PDE3B: variants seen among roughly 807,000 people sequenced by gnomAD.
PDE3B encodes the protein phosphodiesterase 3B, also known as cGMP-inhibited 3',5'-cyclic phosphodiesterase 3B.
PDE3B carries 66 observed loss-of-function variants against 116.8 expected under a neutral mutation model. That is an observed-to-expected ratio of 0.56 (90% confidence interval 0.46 to 0.69). The LOEUF is 0.69. PDE3B is among the 30% of genes least tolerant of loss of function. The pLI is 0.00. For synonymous variants in PDE3B, 595 were observed against 533.6 expected, an observed-to-expected ratio of 1.12 and a Z score of -1.59; for missense variants, 1,384 against 1,368.1, an observed-to-expected ratio of 1.01 and a Z score of -0.18.
At chr11:14,890,292 A>C in the PDE3B span, 1 of 206,840 alleles carries the variant, frequency 4.8e-6, no homozygotes, top group Non-Finnish European at 8.5e-6. Context: ...TTATGCTTTC[A>C]CATTTTATTT....
chr11:14,833,350 T>G (rs1194083770), intron 10 of PDE3B, among the ~76,000 whole-genome samples: 1 of 152,232 alleles, frequency 6.6e-6, no homozygotes, highest in Non-Finnish European at 1.5e-5. Flanking sequence ...TTTGTTAACA[T>G]TTTGGTATAT....
intron 7 of PDE3B, among the ~76,000 whole-genome samples, chr11:14,820,737 TCTCTTTCCCACC>T (rs566393889): frequency 1.5e-4 from 23 of 152,012 alleles, no homozygotes; most frequent in Admixed American, 3.9e-4. Context: ...CCCAGAAAAC[TCTCTTTCCCACC>T]CTCTTTCCCA....
At chr11:14,872,598 C>T (rs1848154777), downstream of PDE3B, among the ~76,000 whole-genome samples, 1 of 152,252 alleles carries the variant, frequency 6.6e-6, no homozygotes, top group Admixed American at 6.5e-5. Flanking sequence ...GGAAAACTTT[C>T]AATCTGGAAG....
Position 14,805,629 on chromosome 11 carries a change from C to T in PDE3B, c.1522+1579C>T, listed in dbSNP as rs187279460. 5.1e-3 allele frequency among the ~76,000 whole-genome samples: 780 copies of T among 152,264 alleles called. 7 individuals carry two copies. The highest frequency in any genetic ancestry group is 6.2e-3 in the Non-Finnish European group (422 of 68,000). ...ATCAGATGAGAAGTAGAAAAACGTA[C>T]ATTTTTTTCAAACAAACAAAAGCTG... On this transcript the variant is annotated intron_variant, in intron 5 of 15. Transcript: ENST00000282096.
intron 1 of PDE3B, among the ~76,000 whole-genome samples, chr11:14,669,001 C>T (rs1344878210): frequency 6.6e-6 from 1 of 152,038 alleles, no homozygotes; most frequent in Non-Finnish European, 1.5e-5. Flanking sequence ...AGATGGCACA[C>T]TCAAATGGCT....
rs777486303 is a variant in PDE3B, at chr11:14,723,968, A to C, written c.979-47969A>C. Among the ~76,000 whole-genome samples the C allele has an allele frequency of 3.3e-5, 5 of 152,230 alleles. 1 individual carries two copies. The highest frequency in any genetic ancestry group is 5.9e-5 in the Non-Finnish European group (4 of 68,046). ...TTCTACTTCCTAAGGGAAGCTATCGAAAAGTTTTTAACAGATATTATGTTA... is the reference window on the plus strand; with the variant it reads ...TTCTACTTCCTAAGGGAAGCTATCGCAAAGTTTTTAACAGATATTATGTTA... On this transcript the variant is annotated intron_variant, in intron 1 of 15. Coordinates refer to ENST00000282096, the MANE Select transcript of PDE3B (RefSeq NM_000922.4).
At chr11:14,811,620 G>A (rs1200967865) in intron 5 of PDE3B, among the ~76,000 whole-genome samples, 2 of 152,126 alleles carry the variant, frequency 1.3e-5, no homozygotes, top group East Asian at 1.9e-4. Context: ...GCTTGGCGAT[G>A]TGGGCTCTTT....
intron 1 of PDE3B, among the ~76,000 whole-genome samples, chr11:14,690,241 G>A (rs1855006854): frequency 6.6e-6 from 1 of 152,074 alleles, no homozygotes; most frequent in East Asian, 1.9e-4. Flanking sequence ...CTTCCAAATC[G>A]AATGGTTTAT....
chr11:14,664,381 TC>T (rs1363073058), intron 1 of PDE3B, among the ~76,000 whole-genome samples: 1 of 151,826 alleles, frequency 6.6e-6, no homozygotes, highest in African/African-American at 2.4e-5. Context: ...GCAAACACAT[TC>T]AAAAGCTAGC....
Position 14,784,890 on chromosome 11 carries a change from C to A in PDE3B, c.1030-1547C>A, listed in dbSNP as rs1004320451. On this transcript the variant is annotated intron_variant, in intron 2 of 15. Transcript: ENST00000282096. ...TTTGTGATTTGTTCTTTCCTAATTT[C>A]AACAGTTTTTAAACAGTATTGAGGA... 5.9e-5 allele frequency among the ~76,000 whole-genome samples: 9 copies of A among 152,036 alleles called. No homozygotes were observed. The East Asian group carries it at 1.7e-3, about 29-fold the overall frequency.
chr11:14,725,028 G>A (rs896354268), intron 1 of PDE3B, among the ~76,000 whole-genome samples: 4 of 152,286 alleles, frequency 2.6e-5, no homozygotes, highest in South Asian at 4.1e-4. Context: ...ATAGGTACAG[G>A]TACTAAAAGG....
intron 1 of PDE3B, among the ~76,000 whole-genome samples, chr11:14,730,607 T>G (rs1442035835): frequency 6.6e-6 from 1 of 152,238 alleles, no homozygotes; most frequent in Non-Finnish European, 1.5e-5. Flanking sequence ...TTATTTTAGT[T>G]ATTACTTTAA....
At chr11:14,673,750 G>T (rs1001494391) in intron 1 of PDE3B, 8 of 771,608 alleles carry the variant, frequency 1.0e-5, no homozygotes, top group South Asian at 6.7e-5. Context: ...GCTCCAATTC[G>T]TACAAGTAAT....
rs755332316 is a variant in PDE3B, at chr11:14,711,774, A to G, written c.979-60163A>G. ...TCCAAACTATATCAAAGGGCAATGG[A>G]TCAGTGTCAGCATTCACTGCTGGTA... On this transcript the variant is annotated intron_variant, in intron 1 of 15. Transcript: ENST00000282096. 9.9e-5 allele frequency among the ~76,000 whole-genome samples: 15 copies of G among 152,222 alleles called. 1 individual carries two copies. Among genetic ancestry groups the G allele is most frequent in the Non-Finnish European group, 2.2e-4 (15 of 68,042 alleles).
At chr11:14,786,712 TATTTATCAAATTTAA>T in intron 3 of PDE3B, 27 bp downstream of exon 3, 1 of 1,547,086 alleles carries the variant, frequency 6.5e-7, no homozygotes, top group Non-Finnish European at 8.9e-7. Context: ...CATCTAACCC[TATTTATCAAATTTAA>T]TGATATTTTC....
At chr11:14,836,734 C>T (rs1184522853) in intron 11 of PDE3B, among the ~76,000 whole-genome samples, 2 of 152,212 alleles carry the variant, frequency 1.3e-5, no homozygotes, top group African/African-American at 4.8e-5. Flanking sequence ...TATTTTTCTC[C>T]TATATACTCT....
the PDE3B span, among the ~76,000 whole-genome samples, chr11:14,898,601 A>C: frequency 6.6e-6 from 1 of 152,224 alleles, no homozygotes; most frequent in Non-Finnish European, 1.5e-5. Context: ...ACGGATGTGG[A>C]AGTTGAGGTC....
rs371863566 is a variant in PDE3B, at chr11:14,644,640, C to A, written c.565C>A (p.Pro189Thr). 93 of 1,505,682 alleles carry A rather than the reference C, an allele frequency of 6.2e-5. 1 individual carries two copies. In the African/African-American group the frequency reaches 1.1e-3, roughly 18 times the overall value. The allele number at this position is 1,505,682 out of a possible 1,614,324, so 93.3% of individuals were successfully genotyped here. ...CGCAGGGTCCGCGGCCCCGCACACG[C>A]CCCCGGAGGCGGCAGCGGGCAGGTT... ...GDAGSAAPHT[P>T]PEAAAGRLLL... The change falls in exon 1 of 16, where the codon CCC becomes ACC. Residue 189 changes from proline to threonine, a missense_variant. Transcript: ENST00000282096.
intron 14 of PDE3B, among the ~76,000 whole-genome samples, chr11:14,867,023 A>G (rs1463993549): frequency 6.6e-6 from 1 of 150,622 alleles, no homozygotes; most frequent in Non-Finnish European, 1.5e-5. Context: ...TGTTTTTCAT[A>G]TTAGGTTTTC....
Sources: gnomAD v4.1 joint callset for allele counts (sites outside exome capture counted in the v4.1 genomes callset) on GRCh38, gnomAD v4.1.1 for gene constraint, MANE v1.5 for transcripts, NCBI Gene and HGNC (gene_info 2026-07-23, HGNC 2026-07-21) for gene names.